CFAP299: variants seen among roughly 807,000 people sequenced by gnomAD.
CFAP299 encodes cilia and flagella associated protein 299, also known as cilia- and flagella-associated protein 299.
A neutral mutation model predicts 27.0 loss-of-function variants in CFAP299; 21 were observed. The observed-to-expected ratio is 0.78, with a 90% confidence interval of 0.55 to 1.12. The LOEUF is 1.12. CFAP299 is among the 50% of genes most tolerant of loss of function. The pLI is 0.00. For missense variants in CFAP299, 310 were observed against 276.6 expected (o/e 1.12, Z -0.86); for synonymous variants, 104 against 98.1 (o/e 1.06, Z -0.36).
intron 3 of CFAP299, among the ~76,000 whole-genome samples, chr4:80,814,311 C>T (rs1344522624): frequency 6.6e-6 from 1 of 152,042 alleles, no homozygotes; most frequent in African/African-American, 2.4e-5. Context: ...GTTAAAAGCA[C>T]GTGCCTGTTT....
intron 3 of CFAP299, among the ~76,000 whole-genome samples, chr4:80,856,125 T>A (rs576192920): frequency 2.0e-5 from 3 of 151,700 alleles, no homozygotes; most frequent in East Asian, 1.9e-4. Flanking sequence ...GATATCTCAT[T>A]GTGGTTTTGA....
chr4:80,376,039 G>A (rs1724391398), intron 2 of CFAP299, among the ~76,000 whole-genome samples: 1 of 152,076 alleles, frequency 6.6e-6, no homozygotes, highest in South Asian at 2.1e-4. Context: ...CCACAATCAG[G>A]GTAACATTTT....
At chr4:80,664,383 CT>C (rs1741031065) in intron 3 of CFAP299, among the ~76,000 whole-genome samples, 1 of 152,068 alleles carries the variant, frequency 6.6e-6, no homozygotes, top group Non-Finnish European at 1.5e-5. Flanking sequence ...GAGAGAGGAT[CT>C]TTATCTATAA....
chr4:80,604,162 T>C (rs775600196), intron 3 of CFAP299, among the ~76,000 whole-genome samples: 3 of 152,118 alleles, frequency 2.0e-5, no homozygotes, highest in Non-Finnish European at 2.9e-5. Context: ...CTTTAAAGCC[T>C]TATAACAGAA....
chr4:80,371,050 G>A (rs984275305), intron 2 of CFAP299, among the ~76,000 whole-genome samples: 3 of 152,324 alleles, frequency 2.0e-5, no homozygotes, highest in Non-Finnish European at 4.4e-5. Context: ...CTGAGTAGAG[G>A]TTCCCAAGCC....
At chr4:80,396,275 T>G (rs1725787331) in intron 2 of CFAP299, among the ~76,000 whole-genome samples, 1 of 152,130 alleles carries the variant, frequency 6.6e-6, no homozygotes, top group Admixed American at 6.6e-5. Flanking sequence ...CAGCACTCAA[T>G]AAATAATAGG....
At chr4:80,690,582 G>A (rs1387696903) in intron 3 of CFAP299, among the ~76,000 whole-genome samples, 2 of 151,930 alleles carry the variant, frequency 1.3e-5, no homozygotes, top group Admixed American at 6.6e-5. Flanking sequence ...ATGCCCACAA[G>A]AGAAAGCAGG....
At chr4:80,414,713 G>A (rs993896596) in intron 2 of CFAP299, among the ~76,000 whole-genome samples, 5 of 152,122 alleles carry the variant, frequency 3.3e-5, no homozygotes, top group African/African-American at 4.8e-5. Context: ...TCCCCTGAAG[G>A]ACATATATTG....
At chr4:80,387,806 C>A (rs1019167571) in intron 2 of CFAP299, 9 of 1,575,918 alleles carry the variant, frequency 5.7e-6, no homozygotes, top group African/African-American at 2.7e-5. Context: ...AGTTTCTGAG[C>A]CTTTGGCTTC....
chr4:80,462,290 T>C (rs1034783502), intron 2 of CFAP299, among the ~76,000 whole-genome samples: 3 of 152,176 alleles, frequency 2.0e-5, no homozygotes, highest in Non-Finnish European at 2.9e-5. Context: ...TCTACCTTTA[T>C]ACTCCTCTAG....
the CFAP299 span, among the ~76,000 whole-genome samples, chr4:80,326,293 A>G: frequency 6.6e-6 from 1 of 152,142 alleles, no homozygotes; most frequent in Non-Finnish European, 1.5e-5. Flanking sequence ...TAATACAGCA[A>G]CCTGTGGTCT....
At chr4:80,788,574 T>TG (rs1197839016) in intron 3 of CFAP299, among the ~76,000 whole-genome samples, 4 of 152,024 alleles carry the variant, frequency 2.6e-5, no homozygotes, top group Non-Finnish European at 5.9e-5. Context: ...ATCCTCTCTA[T>TG]GGGGTGTGTG....
chr4:80,457,098 G>A (rs1729205129), intron 2 of CFAP299, among the ~76,000 whole-genome samples: 1 of 151,786 alleles, frequency 6.6e-6, no homozygotes, highest in Non-Finnish European at 1.5e-5. Flanking sequence ...AGCACAAGTA[G>A]TTTGCATTAT....
chr4:80,413,517 T>G (rs1416652872), intron 2 of CFAP299, among the ~76,000 whole-genome samples: 1 of 151,906 alleles, frequency 6.6e-6, no homozygotes, highest in Non-Finnish European at 1.5e-5. Context: ...TCTACTTGAG[T>G]AAAAACAAAA....
At chr4:80,508,601 C>T (rs1380287814) in intron 2 of CFAP299, among the ~76,000 whole-genome samples, 1 of 152,086 alleles carries the variant, frequency 6.6e-6, no homozygotes, top group African/African-American at 2.4e-5. Context: ...ATTTGTTGCC[C>T]AGGCTGGAGT....
At chr4:80,883,302 T>G (rs1351020143) in intron 4 of CFAP299, among the ~76,000 whole-genome samples, 1 of 151,842 alleles carries the variant, frequency 6.6e-6, no homozygotes, top group Non-Finnish European at 1.5e-5. Context: ...ACAGAAAATA[T>G]AAAGAGAAGG....
chr4:80,376,378 T>G (rs1023711174), intron 2 of CFAP299, among the ~76,000 whole-genome samples: 3 of 152,208 alleles, frequency 2.0e-5, no homozygotes, highest in African/African-American at 7.2e-5. Context: ...TGTAAATATT[T>G]TAAAAAGATC....
intron 3 of CFAP299, among the ~76,000 whole-genome samples, chr4:80,688,892 G>T (rs985615322): frequency 6.6e-6 from 1 of 151,994 alleles, no homozygotes; most frequent in African/African-American, 2.4e-5. Context: ...ACTACGTGAA[G>T]AATGCAGAAG....
chr4:80,907,064 A>G (rs958287450), intron 4 of CFAP299, among the ~76,000 whole-genome samples: 1 of 152,148 alleles, frequency 6.6e-6, no homozygotes, highest in Admixed American at 6.6e-5. Flanking sequence ...TTTGCTGCTT[A>G]GAAATTTCTT....
Sources: gnomAD v4.1 joint callset for allele counts (sites outside exome capture counted in the v4.1 genomes callset) on GRCh38, gnomAD v4.1.1 for gene constraint, MANE v1.5 for transcripts, NCBI Gene and HGNC (gene_info 2026-07-23, HGNC 2026-07-21) for gene names.